The following PRKAR2B variants were observed in gnomAD, a reference collection of about 807,000 sequenced individuals.
PRKAR2B encodes the protein cAMP-dependent protein kinase type II-beta regulatory subunit.
Under a neutral mutation model 49.9 loss-of-function variants are expected in PRKAR2B, and 14 were observed. The observed-to-expected ratio is 0.28, with a 90% CI of 0.19 to 0.44. PRKAR2B has a LOEUF of 0.44. Ranked by LOEUF, PRKAR2B falls within the 20% of genes least tolerant of loss-of-function variation. The pLI is 1.00. For synonymous variants in PRKAR2B, 196 were observed against 197.7 expected, an observed-to-expected ratio of 0.99 and a Z score of 0.07; for missense variants, 393 against 537.9, an observed-to-expected ratio of 0.73 and a Z score of 2.67.
chr7:107,088,012 G>A (rs1794653936), intron 2 of PRKAR2B, among the ~76,000 whole-genome samples: 1 of 152,010 alleles, frequency 6.6e-6, no homozygotes, highest in Admixed American at 6.6e-5. Flanking sequence ...ACCAAGCTGT[G>A]GCTGCCTACT....
At chr7:107,114,372 G>GTT (rs1418010855) in intron 2 of PRKAR2B, among the ~76,000 whole-genome samples, 5 of 123,870 alleles carry the variant, frequency 4.0e-5, no homozygotes, top group African/African-American at 1.5e-4. Context: ...GTGTGTGTGT[G>GTT]TGTGTTTGAG....
intron 9 of PRKAR2B, 33 bp downstream of exon 9, chr7:107,157,082 T>C: frequency 6.2e-7 from 1 of 1,607,850 alleles, no homozygotes; most frequent in Non-Finnish European, 8.5e-7. Context: ...ACCCACATAC[T>C]GTTAGCAAGG....
At chr7:107,049,845 TG>T (rs1392977652) in intron 1 of PRKAR2B, among the ~76,000 whole-genome samples, 3 of 152,224 alleles carry the variant, frequency 2.0e-5, no homozygotes, top group Middle Eastern at 3.2e-3. Context: ...GAGATTTACA[TG>T]GTGGTTTTAA....
chr7:107,150,861 A>G (rs1584455105), intron 6 of PRKAR2B, 61 bp from the exon 7 acceptor site: 2 of 820,100 alleles, frequency 2.4e-6, no homozygotes, highest in South Asian at 3.5e-5. Context: ...AGGGAATAAA[A>G]TAAAACTATT....
chr7:107,099,593 G>A (rs1794917742), intron 2 of PRKAR2B, among the ~76,000 whole-genome samples: 2 of 151,966 alleles, frequency 1.3e-5, no homozygotes, highest in South Asian at 2.1e-4. Flanking sequence ...CACCCTGGGA[G>A]CTGTAGACTG....
intron 5 of PRKAR2B, among the ~76,000 whole-genome samples, chr7:107,145,624 GCC>G: frequency 6.6e-6 from 1 of 151,498 alleles, no homozygotes; most frequent in African/African-American, 2.4e-5. Flanking sequence ...TTGCTATGTT[GCC>G]CAGGCTGGTC....
chr7:107,154,051 C>T (rs868267031), intron 8 of PRKAR2B, among the ~76,000 whole-genome samples: 11 of 151,800 alleles, frequency 7.2e-5, no homozygotes, highest in African/African-American at 1.2e-4. Flanking sequence ...GTAAATCTTT[C>T]GATCAACACC....
intron 2 of PRKAR2B, among the ~76,000 whole-genome samples, chr7:107,108,380 A>G (rs10249866): frequency 0.13 from 19,359 of 152,278 alleles, 1,507 homozygotes; most frequent in African/African-American, 0.21. Context: ...AAGCATTAGA[A>G]TAAAACAGCC....
chr7:107,102,769 C>G (rs1403983547), intron 2 of PRKAR2B, among the ~76,000 whole-genome samples: 2 of 152,212 alleles, frequency 1.3e-5, no homozygotes. Flanking sequence ...CTCCGGGGTT[C>G]AGGTGATTCT....
At chr7:107,158,627 G>A (rs1390568988) in intron 10 of PRKAR2B, among the ~76,000 whole-genome samples, 1 of 152,124 alleles carries the variant, frequency 6.6e-6, no homozygotes, top group Non-Finnish European at 1.5e-5. Context: ...GTGCATAGAA[G>A]ACTTTTCTGT....
intron 6 of PRKAR2B, among the ~76,000 whole-genome samples, chr7:107,149,483 C>T (rs1214259712): frequency 7.2e-5 from 11 of 151,960 alleles, no homozygotes; most frequent in African/African-American, 1.5e-4. Context: ...TAACAGACAG[C>T]GTCTTCTACT....
chr7:107,152,489 G>A (rs1017115643), intron 7 of PRKAR2B, among the ~76,000 whole-genome samples: 2 of 152,156 alleles, frequency 1.3e-5, no homozygotes, highest in African/African-American at 4.8e-5. Context: ...TATCTTTGAA[G>A]GTAGAGACTT....
At chr7:107,094,512 T>C (rs899418360) in intron 2 of PRKAR2B, among the ~76,000 whole-genome samples, 1 of 152,254 alleles carries the variant, frequency 6.6e-6, no homozygotes, top group Admixed American at 6.5e-5. Context: ...TTTAGTTTAC[T>C]TAGATGGCAC....
chr7:107,066,889 C>G (rs1260855468), intron 1 of PRKAR2B: 1 of 152,062 alleles, frequency 6.6e-6, no homozygotes. Context: ...TTTTTTTCTT[C>G]AGAAAAACCC....
intron 2 of PRKAR2B, among the ~76,000 whole-genome samples, chr7:107,121,700 A>G (rs2115584990): frequency 6.6e-6 from 1 of 152,282 alleles, no homozygotes; most frequent in African/African-American, 2.4e-5. Context: ...AAAAGGTTTA[A>G]GCTATGTTTC....
At chr7:107,121,215 A>G (rs1333279239) in intron 2 of PRKAR2B, among the ~76,000 whole-genome samples, 1 of 151,976 alleles carries the variant, frequency 6.6e-6, no homozygotes, top group Non-Finnish European at 1.5e-5. Context: ...AGCCCCTGCA[A>G]ATAACTTTGG....
intron 1 of PRKAR2B, among the ~76,000 whole-genome samples, chr7:107,060,147 A>C (rs1262509608): frequency 6.7e-6 from 1 of 150,098 alleles, no homozygotes; most frequent in African/African-American, 2.5e-5. Flanking sequence ...TTTATAATAC[A>C]ATAAATATCA....
At chr7:107,157,145 AT>A in intron 9 of PRKAR2B, 40 bp from the exon 10 acceptor site, 2 of 1,608,030 alleles carry the variant, frequency 1.2e-6, no homozygotes. Flanking sequence ...TTTATTTTTC[AT>A]AAGCTGAGGA....
chr7:107,063,151 G>A (rs957689348), intron 1 of PRKAR2B, among the ~76,000 whole-genome samples: 1 of 152,060 alleles, frequency 6.6e-6, no homozygotes, highest in Non-Finnish European at 1.5e-5. Flanking sequence ...CTACAGGTGT[G>A]CACCACCATG....
Sources: gnomAD v4.1 joint callset for allele counts (sites outside exome capture counted in the v4.1 genomes callset) on GRCh38, gnomAD v4.1.1 for gene constraint, MANE v1.5 for transcripts, NCBI Gene and HGNC (gene_info 2026-07-23, HGNC 2026-07-21) for gene names.